RASGRF1: variants seen among roughly 807,000 people sequenced by gnomAD.
The protein encoded by RASGRF1 is Ras protein specific guanine nucleotide releasing factor 1.
RASGRF1 carries 40 observed loss-of-function variants against 138.7 expected under a neutral mutation model. The observed-to-expected ratio is 0.29, with a 90% CI of 0.22 to 0.38. The LOEUF is 0.38. Ranked by LOEUF, RASGRF1 falls within the 10% of genes least tolerant of loss-of-function variation. The pLI is 1.00. For missense variants in RASGRF1, 1,108 were observed against 1,650.4 expected, an observed-to-expected ratio of 0.67 and a Z score of 5.69; for synonymous variants, 614 against 663.2, an observed-to-expected ratio of 0.93 and a Z score of 1.14.
chr15:79,004,408 C>T (rs1013808236), intron 14 of RASGRF1, among the ~76,000 whole-genome samples: 1 of 152,144 alleles, frequency 6.6e-6, no homozygotes, highest in African/African-American at 2.4e-5. Flanking sequence ...CTTCTATGCT[C>T]CGCCCCCCCA....
chr15:79,068,232 C>A (rs1313810534), intron 1 of RASGRF1, among the ~76,000 whole-genome samples: 1 of 152,074 alleles, frequency 6.6e-6, no homozygotes, highest in East Asian at 1.9e-4. Flanking sequence ...TGGCTCTTAG[C>A]CCAGGGTCCT....
At chr15:79,029,273 G>A (rs932853335) in intron 8 of RASGRF1, among the ~76,000 whole-genome samples, 1 of 152,068 alleles carries the variant, frequency 6.6e-6, no homozygotes, top group Non-Finnish European at 1.5e-5. Flanking sequence ...TGAGAGGGAG[G>A]CACCTCTGGA....
chr15:79,007,742 AC>A (rs2056712834), intron 13 of RASGRF1, among the ~76,000 whole-genome samples: 1 of 151,332 alleles, frequency 6.6e-6, no homozygotes, highest in Non-Finnish European at 1.5e-5. Flanking sequence ...TGGTAGAGAC[AC>A]GGTTTCACCA....
At chr15:79,060,396 T>A (rs1201495780) in intron 2 of RASGRF1, among the ~76,000 whole-genome samples, 1 of 152,182 alleles carries the variant, frequency 6.6e-6, no homozygotes, top group Non-Finnish European at 1.5e-5. Flanking sequence ...TCCAAAAGGA[T>A]GATGCATATG....
intron 26 of RASGRF1, among the ~76,000 whole-genome samples, chr15:78,968,250 A>ATGTGTGGGTGTGTGTG (rs1555449271): frequency 0.018 from 2,362 of 134,316 alleles, 18 homozygotes; most frequent in South Asian, 0.041. Context: ...CATGACACTG[A>ATGTGTGGGTGTGTGTG]TGTGTGTGTG....
At position 79,044,172 on chromosome 15, in the gene RASGRF1, C is replaced by T. The variant is rs753987567; in HGVS notation, c.878+2574G>A. 3.9e-5 allele frequency among the ~76,000 whole-genome samples: 6 copies of T among 152,228 alleles called. No homozygotes were observed. The South Asian group carries it at 6.2e-4, about 16-fold the overall frequency. On this transcript the variant is annotated intron_variant, in intron 5 of 26. Transcript: ENST00000558480. ...CATGGCAGAGGGGCTGAGTTTCCTG[C>T]GACAGACCTGACCATGACATTCTCT...
Position 78,985,057 on chromosome 15 carries a change from G to A in RASGRF1, c.3364C>T (p.Arg1122Cys), listed in dbSNP as rs1183649584. Reference sequence around the variant, plus strand: ...TTTTTGAGCCGGAAGATTGCACTGCGGTTCATGGACGAGGTGATCTCCAGT... The same window carrying A: ...TTTTTGAGCCGGAAGATTGCACTGCAGTTCATGGACGAGGTGATCTCCAGT... ...AVLEITSSMN[R>C]SAIFRLKKTW... Residue 1122 changes from arginine (R) to cysteine (C), a missense_variant, in exon 23 of 27, where the codon CGC (arginine) becomes TGC (cysteine). Around this residue, in one of 3 missense-constraint regions of RASGRF1, gnomAD observed 686 missense variants for 976.7 expected, o/e 0.70. Coordinates refer to ENST00000558480, the MANE Select transcript of RASGRF1 (RefSeq NM_001145648.3). The A allele has an allele frequency of 5.0e-6, 8 of 1,614,126 alleles. No individual in the cohort carries two copies. Among genetic ancestry groups the A allele is most frequent in the Non-Finnish European group, 5.9e-6 (7 of 1,180,038 alleles).
chr15:79,031,309 G>C, intron 8 of RASGRF1, 91 bp downstream of exon 8: 1 of 993,900 alleles, frequency 1.0e-6, no homozygotes, highest in Non-Finnish European at 1.5e-6. Flanking sequence ...CTGAACTCAA[G>C]CTTTGTCAGG....
chr15:79,012,019 G>GAA (rs767373426), intron 13 of RASGRF1, among the ~76,000 whole-genome samples: 1 of 128,778 alleles, frequency 7.8e-6, no homozygotes, highest in Admixed American at 7.7e-5. Flanking sequence ...CTGTCTCAAA[G>GAA]AAAAAAAAAA....
chr15:78,979,171 A>G, intron 24 of RASGRF1: 1 of 1,288,342 alleles, frequency 7.8e-7, no homozygotes, highest in Non-Finnish European at 1.0e-6. Flanking sequence ...GGCAGAAGAG[A>G]GACGGCTGGA....
At chr15:78,976,820 T>C (rs1470015629) in intron 24 of RASGRF1, among the ~76,000 whole-genome samples, 1 of 152,238 alleles carries the variant, frequency 6.6e-6, no homozygotes, top group African/African-American at 2.4e-5. Flanking sequence ...GTCTTGCCCT[T>C]GGCAGGGCCT....
intron 22 of RASGRF1, among the ~76,000 whole-genome samples, chr15:78,988,114 G>A (rs2056198922): frequency 6.6e-6 from 1 of 152,240 alleles, no homozygotes; most frequent in South Asian, 2.1e-4. Flanking sequence ...GGCAGCTTCT[G>A]AAGTAGACCG....
At chr15:78,999,711 A>C in intron 17 of RASGRF1, 32 bp downstream of exon 17, 1 of 1,604,322 alleles carries the variant, frequency 6.2e-7, no homozygotes, top group South Asian at 1.1e-5. Flanking sequence ...GACCATGGGG[A>C]GGACCCTGTG....
intron 13 of RASGRF1, among the ~76,000 whole-genome samples, chr15:79,012,705 CAG>C (rs1567517429): frequency 1.3e-5 from 2 of 151,958 alleles, no homozygotes; most frequent in Non-Finnish European, 1.5e-5. Flanking sequence ...TTTTTTGAGA[CAG>C]AGTTTCACTC....
At chr15:79,066,921 C>G (rs897042856) in intron 1 of RASGRF1, among the ~76,000 whole-genome samples, 3 of 152,140 alleles carry the variant, frequency 2.0e-5, no homozygotes, top group Admixed American at 6.5e-5. Flanking sequence ...TCCTGTCACT[C>G]CAATAGTTGC....
Position 79,073,433 on chromosome 15 carries a change from AG to A in RASGRF1, c.277-8908del, listed in dbSNP as rs1473288628. On this transcript the variant is annotated intron_variant, in intron 1 of 26. Transcript: ENST00000558480. This position sits in a 1 kb window ranked among gnomAD's most constrained non-coding sequence, Gnocchi z 4.2. ...AGGCGGGGAGTTTGCCTTAGGAAAT[AG>A]GAGGAGAGGCAGTTGGTTGGCAGTA... is the stretch of plus-strand genomic sequence containing the variant. Among the ~76,000 whole-genome samples, 1 of 152,046 alleles carries A rather than the reference AG, an allele frequency of 6.6e-6. No homozygotes were observed. The highest frequency in any genetic ancestry group is 1.5e-5 in the Non-Finnish European group (1 of 68,012).
intron 5 of RASGRF1, among the ~76,000 whole-genome samples, chr15:79,041,517 A>G (rs143277587): frequency 8.5e-5 from 13 of 152,362 alleles, no homozygotes; most frequent in Non-Finnish European, 1.9e-4. Context: ...ACATAAGCCA[A>G]TGGCAGCAAG....
chr15:78,978,752 G>T, intron 24 of RASGRF1: 2 of 1,117,888 alleles, frequency 1.8e-6, no homozygotes, highest in Non-Finnish European at 2.2e-6. Context: ...CCTCAGGAGA[G>T]GGGGTGCGGG....
At position 79,027,726 on chromosome 15, in the gene RASGRF1, G is replaced by A. The variant is rs780540263; in HGVS notation, c.1381+15C>T. The A allele has an allele frequency of 8.7e-6, 14 of 1,612,842 alleles. No homozygotes were observed. In the African/African-American group the frequency reaches 9.3e-5, roughly 11 times the overall value. ...ACCTGGTGGGGGCAGGGGAGACAGG[G>A]TGCAGAGGCCATACCTTGTCTCACA... On this transcript the variant is annotated intron_variant, in intron 9 of 26. Transcript: ENST00000558480. This position sits in a 1 kb window ranked among gnomAD's most constrained non-coding sequence, Gnocchi z 4.8.
Sources: gnomAD v4.1 joint callset for allele counts (sites outside exome capture counted in the v4.1 genomes callset) on GRCh38, gnomAD v4.1.1 for gene constraint, gnomAD v4.1.1 regional missense constraint, Gnocchi (gnomAD v3.1) non-coding constraint, MANE v1.5 for transcripts, NCBI Gene and HGNC (gene_info 2026-07-23, HGNC 2026-07-21) for gene names.